MAP3K9: variants seen among roughly 807,000 people sequenced by gnomAD.
The protein encoded by MAP3K9 is mixed lineage kinase 1 (tyr and ser/thr specificity).
Under a neutral mutation model 95.8 loss-of-function variants are expected in MAP3K9, and 46 were observed. That is an observed-to-expected ratio of 0.48 (90% confidence interval 0.38 to 0.61). The LOEUF is 0.61. Among genes scored for constraint, MAP3K9 ranks in the 20% least tolerant of loss-of-function variants. The pLI is 0.00. For missense variants in MAP3K9, 1,296 were observed against 1,474.3 expected, an observed-to-expected ratio of 0.88 and a Z score of 1.98; for synonymous variants, 533 against 593.8, an observed-to-expected ratio of 0.90 and a Z score of 1.49.
At chr14:70,773,405 A>T (rs1203228532) in intron 2 of MAP3K9, among the ~76,000 whole-genome samples, 1 of 152,222 alleles carries the variant, frequency 6.6e-6, no homozygotes, top group African/African-American at 2.4e-5. Context: ...GGGAAGGACT[A>T]ACAAGGGATT....
intron 2 of MAP3K9, among the ~76,000 whole-genome samples, chr14:70,796,590 C>T (rs1166751641): frequency 1.3e-5 from 2 of 152,206 alleles, no homozygotes; most frequent in Non-Finnish European, 2.9e-5. Context: ...TCCTCTCCAG[C>T]GAGTGATGGC....
At chr14:70,742,663 G>A (rs2054089799) in intron 5 of MAP3K9, 72 bp from the exon 6 acceptor site, 4 of 1,547,372 alleles carry the variant, frequency 2.6e-6, no homozygotes, top group Non-Finnish European at 2.6e-6. Context: ...GGTGAGGCCT[G>A]AGAGCTCCCA....
chr14:70,754,106 T>C (rs1160946098), intron 3 of MAP3K9, among the ~76,000 whole-genome samples: 1 of 152,226 alleles, frequency 6.6e-6, no homozygotes, highest in Non-Finnish European at 1.5e-5. Context: ...CAAAGATAAT[T>C]GAACTAATAT....
rs1305952794 is a variant in MAP3K9, at chr14:70,736,025, G to A, written c.1849C>T (p.Pro617Ser). ...KELASGDEGSPQRREKANGLS... is the reference protein window; with the variant it reads ...KELASGDEGSSQRREKANGLS... ...CCATTAGCTTTCTCACGTCTCTGAG[G>A]GGATCTTCAATGAATAAAGAGAATC... The change falls in exon 9 of 12, where the codon CCT becomes TCT. Residue 617 changes from proline (P) to serine (S), a missense_variant. Coordinates refer to ENST00000554752, the MANE Select transcript of MAP3K9 (RefSeq NM_001284230.2). The A allele has an allele frequency of 1.2e-6, 2 of 1,610,590 alleles. No homozygotes were observed. Among genetic ancestry groups the A allele is most frequent in the Admixed American group, 1.7e-5 (1 of 59,986 alleles).
chr14:70,796,747 T>C (rs74924010), intron 2 of MAP3K9, among the ~76,000 whole-genome samples: 5 of 152,092 alleles, frequency 3.3e-5, no homozygotes, highest in Non-Finnish European at 5.9e-5. Flanking sequence ...TTGGACCTCA[T>C]AACTGGCAGT....
At chr14:70,756,770 C>T (rs1351546278) in intron 3 of MAP3K9, among the ~76,000 whole-genome samples, 2 of 152,194 alleles carry the variant, frequency 1.3e-5, no homozygotes, top group Non-Finnish European at 2.9e-5. Flanking sequence ...GGCACAGTTG[C>T]CCTGCTAGCC....
chr14:70,809,105 C>T lies in MAP3K9; in HGVS notation c.67G>A (p.Asp23Asn), dbSNP rs2055036474. Reference sequence around the variant, plus strand: ...TCCTCGGCCCCGGCCCCTGCTCCATCCTCCCCCGGCGGGGCGGCAGCGGCG... The same window carrying T: ...TCCTCGGCCCCGGCCCCTGCTCCATTCTCCCCCGGCGGGGCGGCAGCGGCG... ...SAAAAAPPGEDGAGAGAEEEE... is the reference protein window; with the variant it reads ...SAAAAAPPGENGAGAGAEEEE... The change falls in exon 1 of 12, where the codon GAT becomes AAT. Residue 23 changes from aspartate (D) to asparagine (N), a missense_variant. This residue lies in a region of MAP3K9 where 338 missense variants were observed against 363.4 expected (regional missense o/e 0.93). Coordinates refer to ENST00000554752, the MANE Select transcript of MAP3K9 (RefSeq NM_001284230.2). 7.2e-7 allele frequency: 1 copy of T among 1,387,402 alleles called. No homozygotes were observed. The highest frequency in any genetic ancestry group is 9.3e-7 in the Non-Finnish European group (1 of 1,079,868). 85.9% of individuals were successfully genotyped at this position (1,387,402 alleles called of 1,614,324 possible). A position where few individuals can be genotyped will look rare whatever the true frequency, so the allele number is the denominator to read the frequency against.
At chr14:70,731,467 C>A (rs1390119333) in intron 11 of MAP3K9, among the ~76,000 whole-genome samples, 1 of 152,154 alleles carries the variant, frequency 6.6e-6, no homozygotes, top group African/African-American at 2.4e-5. Flanking sequence ...AAAAGGTATA[C>A]AATAACATTT....
chr14:70,796,829 A>G (rs750702987), intron 2 of MAP3K9, among the ~76,000 whole-genome samples: 2 of 152,204 alleles, frequency 1.3e-5, no homozygotes, highest in Non-Finnish European at 2.9e-5. Context: ...AGTGAAAAAT[A>G]GGAGCCTGGG....
intron 3 of MAP3K9, among the ~76,000 whole-genome samples, chr14:70,751,831 TA>T (rs1419662334): frequency 6.6e-6 from 1 of 152,174 alleles, no homozygotes; most frequent in Non-Finnish European, 1.5e-5. Flanking sequence ...ACAATTCTGA[TA>T]GGTATTATCA....
At chr14:70,787,040 T>C (rs1463870030) in intron 2 of MAP3K9, among the ~76,000 whole-genome samples, 1 of 152,132 alleles carries the variant, frequency 6.6e-6, no homozygotes, top group Admixed American at 6.6e-5. Context: ...AGATGAGGTA[T>C]ATAGATAAGA....
At chr14:70,783,714 C>G (rs756536518) in intron 2 of MAP3K9, among the ~76,000 whole-genome samples, 16 of 152,212 alleles carry the variant, frequency 1.1e-4, no homozygotes, top group Non-Finnish European at 2.1e-4. Context: ...CAGCGCTCCT[C>G]CAGGAGGAAT....
intron 2 of MAP3K9, among the ~76,000 whole-genome samples, chr14:70,763,453 C>G (rs891248351): frequency 6.6e-6 from 1 of 151,790 alleles, no homozygotes; most frequent in Non-Finnish European, 1.5e-5. Context: ...AGTCGTATAA[C>G]AGCATAGCAT....
rs1566735468 is a variant in MAP3K9 at position 70,742,380 on chromosome 14, T to A, written c.1538A>T (p.Lys513Met). The A allele has an allele frequency of 6.2e-7, 1 of 1,614,248 alleles. No individual in the cohort carries two copies. Among genetic ancestry groups the A allele is most frequent in the African/African-American group, 1.3e-5 (1 of 75,076 alleles). ...GKFRKSRLKL[K>M]DGNRISLPSD... is the part of the protein sequence containing the mutation. ...AGGGAGGCTGATGCGGTTGCCATCC[T>A]TGAGCTTCAGCCGGCTCTTCCTGAA... Residue 513 changes from lysine (K) to methionine (M), a missense_variant, in exon 6 of 12, where the codon AAG becomes ATG. Lys to Met is a moderately conservative substitution (Grantham distance 95). This residue lies in a region of MAP3K9 where 377 missense variants were observed against 417.1 expected (regional missense o/e 0.90). Transcript: ENST00000554752.
chr14:70,759,936 G>A (rs2054348486), intron 3 of MAP3K9, among the ~76,000 whole-genome samples: 1 of 151,946 alleles, frequency 6.6e-6, no homozygotes, highest in African/African-American at 2.4e-5. Flanking sequence ...TAAACTTTTT[G>A]TAGAGATGGG....
chr14:70,742,561 G>T lies in MAP3K9; in HGVS notation c.1357C>A (p.Arg453=). 6.2e-7 allele frequency: 1 copy of T among 1,613,970 alleles called. No individual in the cohort carries two copies. The highest frequency in any genetic ancestry group is 2.2e-5 in the East Asian group (1 of 44,892). ...ELRTWEEELT[R]AALQQKNQEE... ...TGGTTCTTCTGCTGCAGTGCAGCCC[G>T]CGTCAGCTCCTCCTCCCAGGTGCGA... The change falls in exon 6 of 12, where the codon CGG becomes AGG. Residue 453 remains arginine (R), a synonymous_variant. Transcript: ENST00000554752.
chr14:70,767,419 T>C (rs1390047432), intron 2 of MAP3K9, among the ~76,000 whole-genome samples: 1 of 147,844 alleles, frequency 6.8e-6, no homozygotes, highest in East Asian at 2.0e-4. Context: ...AACTCATCTC[T>C]TGCTGGTCAC....
chr14:70,799,372 C>T (rs1023787502), intron 2 of MAP3K9, among the ~76,000 whole-genome samples: 1 of 152,146 alleles, frequency 6.6e-6, no homozygotes, highest in African/African-American at 2.4e-5. Flanking sequence ...TGGAGTCTCG[C>T]TCTGTCACCC....
In MAP3K9 at chr14:70,725,948, G is replaced by A. The variant is rs1407047326; in HGVS notation, c.*4432C>T. 7.2e-5 allele frequency: 11 copies of A among 152,220 alleles called. No individual in the cohort carries two copies. Among genetic ancestry groups the A allele is most frequent in the Non-Finnish European group, 1.0e-4 (7 of 68,070 alleles). The allele number at this position is 152,220 out of a possible 1,614,324, so 9.4% of individuals were successfully genotyped here. ...CATTTGAAAGTTAGAAGGGCTTCAG[G>A]AGGGAAAGTAGATAGCATCGTCCCC... On this transcript the variant is annotated 3_prime_UTR_variant, in exon 12 of 12. Coordinates refer to ENST00000554752, the MANE Select transcript of MAP3K9 (RefSeq NM_001284230.2).
Sources: allele counts gnomAD v4.1 joint callset (sites outside exome capture counted in the v4.1 genomes callset), GRCh38; gene constraint gnomAD v4.1.1; regional missense constraint gnomAD v4.1.1; transcripts MANE v1.5; gene names NCBI Gene and HGNC (gene_info 2026-07-23, HGNC 2026-07-21).